The following SEZ6L variants were observed in gnomAD, a reference collection of about 807,000 sequenced individuals.
SEZ6L encodes the protein seizure 6-like protein.
Under a neutral mutation model 106.2 loss-of-function variants are expected in SEZ6L, and 37 were observed. The ratio of observed to expected loss-of-function variants is 0.35; its 90% CI spans 0.27 to 0.46. The LOEUF is 0.46. Ranked by LOEUF, SEZ6L falls within the 20% of genes least tolerant of loss-of-function variation. SEZ6L has a pLI of 1.00. For missense variants in SEZ6L, 1,172 were observed against 1,332.8 expected (o/e 0.88, Z 1.88); for synonymous variants, 541 against 570.4 (o/e 0.95, Z 0.73).
intron 9 of SEZ6L, among the ~76,000 whole-genome samples, chr22:26,338,394 CTTTTGTTTTG>C (rs1213493007): frequency 1.3e-5 from 2 of 152,054 alleles, no homozygotes; most frequent in Non-Finnish European, 2.9e-5. Flanking sequence ...TCATTGTTTT[CTTTTGTTTTG>C]TTTTGTTTTG....
At chr22:26,344,434 G>T (rs1025044611) in intron 10 of SEZ6L, among the ~76,000 whole-genome samples, 3 of 152,206 alleles carry the variant, frequency 2.0e-5, no homozygotes, top group Non-Finnish European at 2.9e-5. Flanking sequence ...TAATAACTAA[G>T]CTCCATATTG....
At chr22:26,215,713 G>A (rs915166223) in intron 1 of SEZ6L, among the ~76,000 whole-genome samples, 1 of 152,190 alleles carries the variant, frequency 6.6e-6, no homozygotes, top group African/African-American at 2.4e-5. Context: ...ATAGACTGAA[G>A]GTTGTGCCCC....
chr22:26,239,911 G>A lies in SEZ6L; in HGVS notation c.95-52495G>A, dbSNP rs535745976. ...TCCCCTCTGCCATCCCCCCACAACC[G>A]CACACAGCCCCCTCCACCCGCACCT... On this transcript the variant is annotated intron_variant, in intron 1 of 16. Transcript: ENST00000248933. Among the ~76,000 whole-genome samples the A allele has an allele frequency of 8.3e-5, 12 of 144,110 alleles. No individual in the cohort carries two copies. In the East Asian group the frequency reaches 2.0e-3, roughly 24 times the overall value. 94.5% of individuals were successfully genotyped at this position (144,110 alleles called of 152,430 possible).
intron 10 of SEZ6L, among the ~76,000 whole-genome samples, chr22:26,347,125 G>A (rs143741844): frequency 5.6e-4 from 85 of 152,038 alleles, no homozygotes; most frequent in African/African-American, 1.9e-3. Flanking sequence ...GAGCCCAGGA[G>A]TTTGAGGCTG....
intron 10 of SEZ6L, among the ~76,000 whole-genome samples, chr22:26,343,821 A>G (rs1249118041): frequency 1.3e-5 from 2 of 152,220 alleles, no homozygotes; most frequent in Non-Finnish European, 2.9e-5. Context: ...AAAGAAACAC[A>G]CAGTTAATTT....
In SEZ6L at chr22:26,280,270, A is replaced by C. The variant is rs534477967; in HGVS notation, c.95-12136A>C. Among the ~76,000 whole-genome samples, 8 of 94,862 alleles carry C rather than the reference A, an allele frequency of 8.4e-5. No homozygotes were observed. In the East Asian group the frequency reaches 1.6e-3, roughly 18 times the overall value. 62.2% of individuals were successfully genotyped at this position (94,862 alleles called of 152,430 possible). Reference sequence around the variant, plus strand: ...TATAAATACATACGTACATTTATACACATATATATATACATATATATGCAT... The same window carrying C: ...TATAAATACATACGTACATTTATACCCATATATATATACATATATATGCAT... On this transcript the variant is annotated intron_variant, in intron 1 of 16. Transcript: ENST00000248933.
rs559951866 is a variant in SEZ6L, at chr22:26,199,377, G to A, written c.94+29614G>A. Among the ~76,000 whole-genome samples, 7 of 152,252 alleles carry A rather than the reference G, an allele frequency of 4.6e-5. No homozygotes were observed. In the East Asian group the frequency reaches 1.4e-3, roughly 29 times the overall value. On this transcript the variant is annotated intron_variant, in intron 1 of 16. Transcript: ENST00000248933. The stretch of plus-strand genomic sequence containing the variant: ...CTGTTTTTTTCAGAATAGAAAGCCT[G>A]GGAGGGAAAGGTTTTTCTGAGAACT...
intron 1 of SEZ6L, among the ~76,000 whole-genome samples, chr22:26,255,112 A>C (rs143045715): frequency 6.6e-6 from 1 of 152,328 alleles, no homozygotes; most frequent in East Asian, 1.9e-4. Flanking sequence ...TGTAACGGGC[A>C]TACCAAAATG....
chr22:26,230,194 T>G (rs1435913932), intron 1 of SEZ6L, among the ~76,000 whole-genome samples: 1 of 151,960 alleles, frequency 6.6e-6, no homozygotes, highest in Non-Finnish European at 1.5e-5. Flanking sequence ...TGCTGTTTCA[T>G]GAAACCCAGA....
chr22:26,370,489 T>C (rs2083993650), intron 13 of SEZ6L, among the ~76,000 whole-genome samples: 1 of 152,164 alleles, frequency 6.6e-6, no homozygotes, highest in Admixed American at 6.5e-5. Context: ...TAAATTCTTC[T>C]TGGATTAATT....
At chr22:26,253,772 T>C (rs2079700395) in intron 1 of SEZ6L, among the ~76,000 whole-genome samples, 1 of 152,270 alleles carries the variant, frequency 6.6e-6, no homozygotes, top group Non-Finnish European at 1.5e-5. Flanking sequence ...AGATCTCCTA[T>C]GGTATATAAA....
chr22:26,175,308 T>C (rs1199696296), intron 1 of SEZ6L, among the ~76,000 whole-genome samples: 1 of 152,218 alleles, frequency 6.6e-6, no homozygotes, highest in East Asian at 1.9e-4. Flanking sequence ...TACTGAGCAT[T>C]TACTATATCT....
At chr22:26,252,104 C>G (rs754366374) in intron 1 of SEZ6L, among the ~76,000 whole-genome samples, 1 of 152,134 alleles carries the variant, frequency 6.6e-6, no homozygotes, top group Non-Finnish European at 1.5e-5. Flanking sequence ...GAAATGCAGA[C>G]GCTTGGATCC....
rs146764929 is a variant in SEZ6L at position 26,365,430 on chromosome 22, G to C, written c.2658G>C (p.Leu886=). The change falls in exon 13 of 17, where the codon CTG becomes CTC. Residue 886 remains leucine, a synonymous_variant. Coordinates refer to ENST00000248933, the MANE Select transcript of SEZ6L (RefSeq NM_021115.5). ...PGLPENGYQI[L]YKRLYLPGES... Reference sequence around the variant, plus strand: ...TGCCTGAAAATGGATACCAAATCCTGTACAAGCGACTCTACCTGCCAGGAG... The same window carrying C: ...TGCCTGAAAATGGATACCAAATCCTCTACAAGCGACTCTACCTGCCAGGAG... 2.2e-4 allele frequency: 349 copies of C among 1,607,714 alleles called. 1 individual carries two copies. The East Asian group carries it at 6.7e-3, about 31-fold the overall frequency.
intron 2 of SEZ6L, 29 bp downstream of exon 2, chr22:26,293,175 C>G: frequency 6.1e-6 from 9 of 1,476,938 alleles, no homozygotes; most frequent in Non-Finnish European, 8.0e-6. Context: ...CTGAAGCCAT[C>G]CTGAAACAGC....
rs532635198 is a variant in SEZ6L, at chr22:26,339,988, A to G, written c.2016-448A>G. 7.2e-5 allele frequency among the ~76,000 whole-genome samples: 11 copies of G among 152,294 alleles called. 1 individual carries two copies. The South Asian group carries it at 2.3e-3, about 32-fold the overall frequency. ...AGTGACTCACGCCTGTAATCCTAGCACATTGGGAGGCCGAGGTGGGCAGAT... is the reference window on the plus strand; with the variant it reads ...AGTGACTCACGCCTGTAATCCTAGCGCATTGGGAGGCCGAGGTGGGCAGAT... On this transcript the variant is annotated intron_variant, in intron 9 of 16. Transcript: ENST00000248933.
intron 1 of SEZ6L, among the ~76,000 whole-genome samples, chr22:26,191,822 G>A (rs1940239606): frequency 6.6e-6 from 1 of 152,128 alleles, no homozygotes; most frequent in African/African-American, 2.4e-5. Context: ...TTCCTAATCT[G>A]CAAAATGAGC....
intron 12 of SEZ6L, among the ~76,000 whole-genome samples, chr22:26,360,682 G>C (rs1280023752): frequency 6.6e-6 from 1 of 152,124 alleles, no homozygotes; most frequent in Non-Finnish European, 1.5e-5. Flanking sequence ...CCCCGACCAG[G>C]GGGCGGGAAA....
intron 1 of SEZ6L, among the ~76,000 whole-genome samples, chr22:26,223,054 G>T (rs2078526048): frequency 6.6e-6 from 1 of 152,090 alleles, no homozygotes; most frequent in African/African-American, 2.4e-5. Flanking sequence ...TGATCTGTAA[G>T]ATGTGAACTT....
Sources: gnomAD v4.1 joint callset for allele counts (sites outside exome capture counted in the v4.1 genomes callset) on GRCh38, gnomAD v4.1.1 for gene constraint, MANE v1.5 for transcripts, NCBI Gene and HGNC (gene_info 2026-07-23, HGNC 2026-07-21) for gene names.